KCNMB2: variants seen among roughly 807,000 people sequenced by gnomAD.
KCNMB2 encodes potassium calcium-activated channel subfamily M regulatory beta subunit 2, also known as calcium-activated potassium channel subunit beta-2.
A neutral mutation model predicts 24.5 loss-of-function variants in KCNMB2; 9 were observed. The observed-to-expected ratio is 0.37, with a 90% CI of 0.22 to 0.64. KCNMB2 has a LOEUF of 0.64. Ranked by LOEUF, KCNMB2 falls within the 30% of genes least tolerant of loss-of-function variation. The pLI, the probability that KCNMB2 is intolerant of heterozygous loss-of-function variation, is 0.63. For missense variants in KCNMB2, 226 were observed against 284.3 expected, an observed-to-expected ratio of 0.79 and a Z score of 1.47; for synonymous variants, 109 against 104.4, an observed-to-expected ratio of 1.04 and a Z score of -0.27.
chr3:178,581,685 G>A (rs1245075318), intron 1 of KCNMB2, among the ~76,000 whole-genome samples: 2 of 151,636 alleles, frequency 1.3e-5, no homozygotes, highest in South Asian at 2.1e-4. Context: ...AAAGAACAAC[G>A]CCATCAAAAA....
intron 1 of KCNMB2, among the ~76,000 whole-genome samples, chr3:178,749,957 A>C (rs1305533408): frequency 3.9e-5 from 6 of 152,222 alleles, no homozygotes; most frequent in Non-Finnish European, 8.8e-5. Context: ...GATTGAAGAC[A>C]GAGGCTCTTT....
intron 1 of KCNMB2, among the ~76,000 whole-genome samples, chr3:178,585,206 T>G (rs1320644271): frequency 6.6e-6 from 1 of 152,214 alleles, no homozygotes; most frequent in Admixed American, 6.5e-5. Context: ...TTTTCAGACT[T>G]TGGCAGAACT....
chr3:178,757,339 T>TATCC (rs1363732022), intron 1 of KCNMB2, among the ~76,000 whole-genome samples: 1 of 95,310 alleles, frequency 1.0e-5, no homozygotes, highest in Non-Finnish European at 2.0e-5. Flanking sequence ...TATGTATATA[T>TATCC]ATCCAAGAGG....
At chr3:178,717,573 C>T (rs774035675) in intron 1 of KCNMB2, among the ~76,000 whole-genome samples, 3 of 152,074 alleles carry the variant, frequency 2.0e-5, no homozygotes, top group Non-Finnish European at 4.4e-5. Flanking sequence ...AGTTAAACAC[C>T]CTTTCTGTTC....
intron 1 of KCNMB2, among the ~76,000 whole-genome samples, chr3:178,628,717 C>T (rs553589885): frequency 6.6e-6 from 1 of 152,164 alleles, no homozygotes; most frequent in East Asian, 1.9e-4. Flanking sequence ...ATATTAAGGA[C>T]CACTGTGTAG....
intron 1 of KCNMB2, among the ~76,000 whole-genome samples, chr3:178,751,269 T>G (rs1723837263): frequency 6.6e-6 from 1 of 152,068 alleles, no homozygotes; most frequent in Non-Finnish European, 1.5e-5. Context: ...ATAATAATCT[T>G]TTAAATCCTT....
At chr3:178,759,874 C>A (rs557664250) in intron 1 of KCNMB2, among the ~76,000 whole-genome samples, 26 of 2,930 alleles carry the variant, frequency 8.9e-3, no homozygotes, top group African/African-American at 0.011. Context: ...GAGGATATAT[C>A]TATATATATA....
chr3:178,620,872 G>T (rs1450015027), intron 1 of KCNMB2, among the ~76,000 whole-genome samples: 1 of 152,226 alleles, frequency 6.6e-6, no homozygotes, highest in Non-Finnish European at 1.5e-5. Context: ...TCTAGGCAGA[G>T]AAGGACAGAG....
chr3:178,565,126 C>T (rs145554464), intron 1 of KCNMB2, among the ~76,000 whole-genome samples: 163 of 152,080 alleles, frequency 1.1e-3, no homozygotes, highest in East Asian at 3.9e-3. Context: ...ATATAGTGAA[C>T]GATCTGGAAC....
intron 1 of KCNMB2, among the ~76,000 whole-genome samples, chr3:178,597,360 C>T (rs776500128): frequency 5.3e-5 from 8 of 152,056 alleles, no homozygotes; most frequent in Non-Finnish European, 7.4e-5. Context: ...AAGTTTATTT[C>T]GGATATCATC....
chr3:178,566,596 TTC>T (rs1577014750), intron 1 of KCNMB2, among the ~76,000 whole-genome samples: 2 of 148,840 alleles, frequency 1.3e-5, no homozygotes, highest in African/African-American at 5.0e-5. Flanking sequence ...GAAAACCAGT[TTC>T]TCTGTTTTTT....
At chr3:178,558,150 T>A (rs1355601940) in intron 1 of KCNMB2, among the ~76,000 whole-genome samples, 2 of 151,036 alleles carry the variant, frequency 1.3e-5, no homozygotes, top group South Asian at 4.3e-4. Flanking sequence ...GAGTTTCTTA[T>A]GACTAGTGTG....
At chr3:178,672,995 T>C (rs1720955970) in intron 1 of KCNMB2, among the ~76,000 whole-genome samples, 1 of 152,182 alleles carries the variant, frequency 6.6e-6, no homozygotes, top group African/African-American at 2.4e-5. Flanking sequence ...CAAAAACCAT[T>C]GATGGCCCAA....
chr3:178,687,900 G>A (rs1721522676), intron 1 of KCNMB2, among the ~76,000 whole-genome samples: 1 of 152,090 alleles, frequency 6.6e-6, no homozygotes, highest in Non-Finnish European at 1.5e-5. Context: ...ACAAATGAAT[G>A]TAACTGAAAG....
chr3:178,584,622 A>C (rs1717355178), intron 1 of KCNMB2, among the ~76,000 whole-genome samples: 1 of 152,154 alleles, frequency 6.6e-6, no homozygotes, highest in Non-Finnish European at 1.5e-5. Flanking sequence ...GACCCAAGTA[A>C]ATTTATAGTT....
At chr3:178,552,388 C>G (rs1208419073) in intron 1 of KCNMB2, among the ~76,000 whole-genome samples, 3 of 152,110 alleles carry the variant, frequency 2.0e-5, no homozygotes, top group African/African-American at 4.8e-5. Context: ...AAACCCCCCC[C>G]CAAAATATTC....
intron 4 of KCNMB2, among the ~76,000 whole-genome samples, chr3:178,831,452 C>T (rs1422072611): frequency 3.9e-5 from 6 of 152,082 alleles, no homozygotes; most frequent in African/African-American, 1.4e-4. Flanking sequence ...CATGTATGTT[C>T]ATGGCAGCAG....
At chr3:178,547,698 T>C (rs1715819515) in intron 1 of KCNMB2, among the ~76,000 whole-genome samples, 1 of 152,202 alleles carries the variant, frequency 6.6e-6, no homozygotes, top group Non-Finnish European at 1.5e-5. Flanking sequence ...GGGTTCTTTA[T>C]CTTCTCTTAC....
chr3:178,755,516 T>C (rs1318176418), intron 1 of KCNMB2, among the ~76,000 whole-genome samples: 1 of 152,210 alleles, frequency 6.6e-6, no homozygotes, highest in Non-Finnish European at 1.5e-5. Context: ...TGTGGGACCA[T>C]AGCCACCCTT....
Sources: gnomAD v4.1 joint callset for allele counts (sites outside exome capture counted in the v4.1 genomes callset) on GRCh38, gnomAD v4.1.1 for gene constraint, MANE v1.5 for transcripts, NCBI Gene and HGNC (gene_info 2026-07-23, HGNC 2026-07-21) for gene names.